The following TMEM132C variants were observed in gnomAD, a reference collection of about 807,000 sequenced individuals.
TMEM132C encodes the protein transmembrane protein 132C.
Under a neutral mutation model 61.4 loss-of-function variants are expected in TMEM132C, and 29 were observed. The ratio of observed to expected loss-of-function variants is 0.47; its 90% CI spans 0.35 to 0.64. The LOEUF is 0.64. Among genes scored for constraint, TMEM132C ranks in the 30% least tolerant of loss-of-function variants. The probability of loss-of-function intolerance (pLI) is 0.00; values close to 1 mark genes in which losing one functional copy is unlikely to be tolerated. For missense variants in TMEM132C, 1,408 were observed against 1,476.9 expected, an observed-to-expected ratio of 0.95 and a Z score of 0.76; for synonymous variants, 656 against 633.1, an observed-to-expected ratio of 1.04 and a Z score of -0.54.
At chr12:128,541,594 G>C (rs1873754571) in intron 2 of TMEM132C, among the ~76,000 whole-genome samples, 1 of 152,184 alleles carries the variant, frequency 6.6e-6, no homozygotes, top group African/African-American at 2.4e-5. Flanking sequence ...ATGAGTACCA[G>C]ATCTTTATTT....
At chr12:128,650,696 G>A (rs991709559) in intron 4 of TMEM132C, among the ~76,000 whole-genome samples, 2 of 152,212 alleles carry the variant, frequency 1.3e-5, no homozygotes, top group Non-Finnish European at 1.5e-5. Context: ...TTTTGCCACT[G>A]CACTCCAGCC....
At chr12:128,549,715 A>AAAG (rs1202650241) in intron 3 of TMEM132C, among the ~76,000 whole-genome samples, 2 of 152,138 alleles carry the variant, frequency 1.3e-5, no homozygotes, top group Admixed American at 6.5e-5. Context: ...ATGAGTGAGG[A>AAAG]AAGAAGAATC....
intron 5 of TMEM132C, among the ~76,000 whole-genome samples, chr12:128,670,313 AATAT>A (rs200575376): frequency 2.2e-4 from 33 of 152,106 alleles, no homozygotes; most frequent in African/African-American, 6.0e-4. Flanking sequence ...CATCTCAAAT[AATAT>A]ATATATATGT....
intron 5 of TMEM132C, among the ~76,000 whole-genome samples, chr12:128,691,730 G>C (rs989532785): frequency 1.3e-5 from 2 of 149,888 alleles, no homozygotes; most frequent in Non-Finnish European, 3.0e-5. Context: ...TATCTATCCA[G>C]CTGTCTACCC....
chr12:128,464,774 A>C (rs1231679791), intron 2 of TMEM132C, among the ~76,000 whole-genome samples: 2 of 143,728 alleles, frequency 1.4e-5, no homozygotes, highest in Non-Finnish European at 3.0e-5. Flanking sequence ...GAAAGAAAGA[A>C]AGAAAGAAAG....
At position 128,267,337 on chromosome 12, in the gene TMEM132C, C is replaced by G; in HGVS notation, c.-66C>G. 1 of 960,056 alleles carries G rather than the reference C, an allele frequency of 1.0e-6. No individual in the cohort carries two copies. The highest frequency in any genetic ancestry group is 4.6e-5 in the South Asian group (1 of 21,556). 59.5% of individuals were successfully genotyped at this position (960,056 alleles called of 1,614,324 possible). ...GTGGCCCCGGGCATGGGGCGGCCGG[C>G]GGGGGCCGCGGGCGGGCGCTGCGCT... On this transcript the variant is annotated 5_prime_UTR_variant, in exon 1 of 9. Coordinates refer to ENST00000435159, the MANE Select transcript of TMEM132C (RefSeq NM_001136103.3).
At chr12:128,666,028 CATTCACAGGCACTCAT>C (rs747728350) in intron 4 of TMEM132C, among the ~76,000 whole-genome samples, 5,136 of 140,036 alleles carry the variant, frequency 0.037, 445 homozygotes, top group African/African-American at 0.13. Flanking sequence ...CACAGGCGCA[CATTCACAGGCACTCAT>C]ACACAAACAC....
At chr12:128,525,032 C>T (rs1873036971) in intron 2 of TMEM132C, among the ~76,000 whole-genome samples, 1 of 152,182 alleles carries the variant, frequency 6.6e-6, no homozygotes, top group South Asian at 2.1e-4. Context: ...GAGGCAGACC[C>T]TTGAGAGGAC....
At chr12:128,396,368 C>T (rs1190622234) in intron 1 of TMEM132C, among the ~76,000 whole-genome samples, 1 of 135,080 alleles carries the variant, frequency 7.4e-6, no homozygotes, top group Non-Finnish European at 1.6e-5. Flanking sequence ...GGGAACATCA[C>T]AGACTGGGGC....
At chr12:128,591,140 C>T (rs546599075) in intron 3 of TMEM132C, among the ~76,000 whole-genome samples, 1 of 152,236 alleles carries the variant, frequency 6.6e-6, no homozygotes, top group South Asian at 2.1e-4. Context: ...ACAGTTTGCC[C>T]ATTTAAAATG....
intron 2 of TMEM132C, among the ~76,000 whole-genome samples, chr12:128,537,639 G>A (rs11614999): frequency 0.27 from 40,986 of 152,040 alleles, 6,658 homozygotes; most frequent in South Asian, 0.39. Flanking sequence ...TACAGGATTC[G>A]AGGAAGGTGT....
intron 1 of TMEM132C, among the ~76,000 whole-genome samples, chr12:128,322,369 G>A (rs540694522): frequency 2.6e-5 from 4 of 152,256 alleles, no homozygotes; most frequent in African/African-American, 9.6e-5. Context: ...GCTGAGGCAA[G>A]ACGTCCTGGC....
intron 1 of TMEM132C, among the ~76,000 whole-genome samples, chr12:128,367,269 A>G (rs957338216): frequency 6.6e-6 from 1 of 152,216 alleles, no homozygotes; most frequent in African/African-American, 2.4e-5. Flanking sequence ...TTTCCAGAAC[A>G]CGTCCAGAGA....
At chr12:128,397,141 T>C (rs1040690245) in intron 1 of TMEM132C, among the ~76,000 whole-genome samples, 2 of 152,246 alleles carry the variant, frequency 1.3e-5, no homozygotes, top group Admixed American at 1.3e-4. Context: ...TGGGGGAGCC[T>C]TCTAGTAGTT....
intron 3 of TMEM132C, among the ~76,000 whole-genome samples, chr12:128,615,783 A>G (rs991314613): frequency 6.6e-6 from 1 of 152,188 alleles, no homozygotes; most frequent in Admixed American, 6.5e-5. Context: ...ACCCCAGCCT[A>G]TAGCATCTGC....
chr12:128,316,397 C>T (rs1014312362), intron 1 of TMEM132C, among the ~76,000 whole-genome samples: 8 of 152,284 alleles, frequency 5.3e-5, no homozygotes, highest in Admixed American at 3.3e-4. Context: ...ATAGACCCAA[C>T]GGACTTCACT....
At chr12:128,625,241 TA>T (rs1223156257) in intron 4 of TMEM132C, among the ~76,000 whole-genome samples, 1 of 152,228 alleles carries the variant, frequency 6.6e-6, no homozygotes, top group Non-Finnish European at 1.5e-5. Context: ...GCATGGTTTA[TA>T]AATAGTGGAC....
chr12:128,405,130 T>G (rs910445319), intron 1 of TMEM132C, among the ~76,000 whole-genome samples: 1 of 152,044 alleles, frequency 6.6e-6, no homozygotes, highest in African/African-American at 2.4e-5. Flanking sequence ...CTGGGAGATG[T>G]TGGTGCAAGC....
At chr12:128,538,212 CTGGG>C (rs1873603694) in intron 2 of TMEM132C, among the ~76,000 whole-genome samples, 1 of 152,228 alleles carries the variant, frequency 6.6e-6, no homozygotes, top group Admixed American at 6.5e-5. Flanking sequence ...CCTCTGCCTC[CTGGG>C]TTCAAGTGAT....
Sources: allele counts gnomAD v4.1 joint callset (sites outside exome capture counted in the v4.1 genomes callset), GRCh38; gene constraint gnomAD v4.1.1; transcripts MANE v1.5; gene names NCBI Gene and HGNC (gene_info 2026-07-23, HGNC 2026-07-21).